The following EXOC4 variants were observed in gnomAD, a reference collection of about 807,000 sequenced individuals.
The protein encoded by EXOC4 is exocyst complex component 4.
EXOC4 carries 71 observed loss-of-function variants against 107.2 expected under a neutral mutation model. The ratio of observed to expected loss-of-function variants is 0.66; its 90% CI spans 0.55 to 0.81. EXOC4 has a LOEUF of 0.81. EXOC4 is among the 30% of genes least tolerant of loss of function. The probability of loss-of-function intolerance (pLI) is 0.00; values close to 1 mark genes in which losing one functional copy is unlikely to be tolerated. For synonymous variants in EXOC4, 456 were observed against 441.2 expected, an observed-to-expected ratio of 1.03 and a Z score of -0.42; for missense variants, 1,108 against 1,189.6, an observed-to-expected ratio of 0.93 and a Z score of 1.01.
intron 9 of EXOC4, among the ~76,000 whole-genome samples, chr7:133,549,165 GT>G (rs959440501): frequency 2.0e-5 from 3 of 151,786 alleles, no homozygotes; most frequent in Non-Finnish European, 2.9e-5. Flanking sequence ...CACCAGTTTG[GT>G]TTTTTTTAGT....
Position 134,053,289 on chromosome 7 carries a change from T to A in EXOC4, c.2688-11002T>A, listed in dbSNP as rs181841207. Among the ~76,000 whole-genome samples the A allele has an allele frequency of 3.5e-4, 53 of 151,614 alleles. 1 individual carries two copies. In the East Asian group the frequency reaches 7.6e-3, roughly 22 times the overall value. ...CAGCCCTGCTCCAGTAGAACCTGCA[T>A]TGGAGGAGGGGGAAGCAGATACTTG... On this transcript the variant is annotated intron_variant, in intron 17 of 17. Coordinates refer to ENST00000253861, the MANE Select transcript of EXOC4 (RefSeq NM_021807.4).
intron 10 of EXOC4, among the ~76,000 whole-genome samples, chr7:133,668,920 G>A (rs1251191811): frequency 6.6e-6 from 1 of 152,038 alleles, no homozygotes; most frequent in Non-Finnish European, 1.5e-5. Context: ...GTGAGGCATG[G>A]GAAGGGGAGG....
At chr7:134,020,339 A>C (rs1451651526) in intron 17 of EXOC4, among the ~76,000 whole-genome samples, 1 of 152,204 alleles carries the variant, frequency 6.6e-6, no homozygotes, top group African/African-American at 2.4e-5. Flanking sequence ...ATCATGCAGA[A>C]ATACCGGCCC....
intron 11 of EXOC4, among the ~76,000 whole-genome samples, chr7:133,868,775 T>C (rs1318166564): frequency 6.6e-6 from 1 of 152,178 alleles, no homozygotes; most frequent in East Asian, 1.9e-4. Flanking sequence ...TTTTGTTTTC[T>C]CCCTTCTGTT....
At chr7:134,041,792 T>C (rs956483057) in intron 17 of EXOC4, among the ~76,000 whole-genome samples, 11 of 152,204 alleles carry the variant, frequency 7.2e-5, no homozygotes, top group Admixed American at 2.0e-4. Context: ...CTTCTTGCAG[T>C]GTTTCTGAAA....
chr7:133,620,319 G>A (rs1006799529), intron 9 of EXOC4, among the ~76,000 whole-genome samples: 2 of 152,010 alleles, frequency 1.3e-5, no homozygotes, highest in Admixed American at 6.6e-5. Context: ...GAGCCACCGG[G>A]CCCAGCCATT....
chr7:133,384,563 T>C (rs1214445390), intron 7 of EXOC4, among the ~76,000 whole-genome samples: 2 of 152,152 alleles, frequency 1.3e-5, no homozygotes, highest in Admixed American at 1.3e-4. Flanking sequence ...TGGTGATTAA[T>C]AGCATGAAGT....
chr7:133,988,298 C>G lies in EXOC4; in HGVS notation c.2207-9194C>G, dbSNP rs142114320. ...GGCTATAATGAACTACTTCCCCATC[C>G]CTACTCTCTCTCTAGATTATACTCA... On this transcript the variant is annotated intron_variant, in intron 14 of 17. Coordinates refer to ENST00000253861, the MANE Select transcript of EXOC4 (RefSeq NM_021807.4). Among the ~76,000 whole-genome samples the G allele has an allele frequency of 5.1e-3, 778 of 152,324 alleles. 4 individuals carry two copies. The highest frequency in any genetic ancestry group is 0.016 in the African/African-American group (664 of 41,576).
chr7:133,253,430 C>G (rs1794939970), intron 1 of EXOC4: 2 of 1,252,732 alleles, frequency 1.6e-6, no homozygotes, highest in Admixed American at 3.9e-5. Flanking sequence ...GCAGCACCTT[C>G]TATTACAGTC....
intron 10 of EXOC4, among the ~76,000 whole-genome samples, chr7:133,702,526 A>T (rs914380445): frequency 6.7e-6 from 1 of 149,066 alleles, no homozygotes; most frequent in Non-Finnish European, 1.5e-5. Flanking sequence ...TTGAATTGCT[A>T]TGTTGCCGAG....
At chr7:133,836,503 A>G in intron 11 of EXOC4, among the ~76,000 whole-genome samples, 1 of 152,174 alleles carries the variant, frequency 6.6e-6, no homozygotes, top group East Asian at 1.9e-4. Context: ...GTACTGTAAA[A>G]TAAATATTTT....
chr7:133,604,710 C>CTTTTTTTTTTTTTTTTTTT (rs61548710), intron 9 of EXOC4, among the ~76,000 whole-genome samples: 4 of 50,218 alleles, frequency 8.0e-5, no homozygotes, highest in African/African-American at 7.8e-5. Flanking sequence ...TTCCTTCTTT[C>CTTTTTTTTTTTTTTTTTTT]TTTTTTTTTT....
chr7:133,596,937 C>G lies in EXOC4; in HGVS notation c.1418-33108C>G, dbSNP rs544498156. Among the ~76,000 whole-genome samples the G allele has an allele frequency of 1.5e-4, 23 of 152,236 alleles. No homozygotes were observed. The South Asian group carries it at 4.6e-3, about 30-fold the overall frequency. ...GCCTCCCATGAAGCATCCAGCTATCCAGAAGAATACAATCAGGGTTCTTTT... is the reference window on the plus strand; with the variant it reads ...GCCTCCCATGAAGCATCCAGCTATCGAGAAGAATACAATCAGGGTTCTTTT... On this transcript the variant is annotated intron_variant, in intron 9 of 17. Coordinates refer to ENST00000253861, the MANE Select transcript of EXOC4 (RefSeq NM_021807.4).
intron 11 of EXOC4, among the ~76,000 whole-genome samples, chr7:133,830,258 A>G (rs559903656): frequency 6.0e-4 from 92 of 152,272 alleles, no homozygotes; most frequent in African/African-American, 2.1e-3. Context: ...AAGGCTGCCT[A>G]TCAGGCACTC....
intron 7 of EXOC4, among the ~76,000 whole-genome samples, chr7:133,422,261 CAG>C (rs1359774574): frequency 6.6e-6 from 1 of 152,110 alleles, no homozygotes; most frequent in Non-Finnish European, 1.5e-5. Flanking sequence ...GAAAACAAAA[CAG>C]AAGTTTAAAT....
At chr7:133,941,088 C>T (rs1274093537) in intron 14 of EXOC4, among the ~76,000 whole-genome samples, 3 of 151,104 alleles carry the variant, frequency 2.0e-5, no homozygotes, top group Non-Finnish European at 4.4e-5. Flanking sequence ...GCCTCTGCTT[C>T]CCAGGTTCAA....
chr7:133,260,199 T>A (rs1795111769), intron 1 of EXOC4, among the ~76,000 whole-genome samples: 1 of 152,242 alleles, frequency 6.6e-6, no homozygotes, highest in Non-Finnish European at 1.5e-5. Flanking sequence ...ATGTTTATAT[T>A]GATAACAATA....
intron 1 of EXOC4, among the ~76,000 whole-genome samples, chr7:133,260,092 T>C (rs894049075): frequency 6.6e-6 from 1 of 152,194 alleles, no homozygotes; most frequent in African/African-American, 2.4e-5. Context: ...TTAAAAAGAC[T>C]ATCCTTTCTG....
At chr7:133,281,288 A>AT (rs1408414901) in intron 2 of EXOC4, among the ~76,000 whole-genome samples, 8 of 141,206 alleles carry the variant, frequency 5.7e-5, no homozygotes, top group Non-Finnish European at 1.2e-4. Context: ...TGTAATAATA[A>AT]AAAATAAATA....
Sources: gnomAD v4.1 joint callset for allele counts (sites outside exome capture counted in the v4.1 genomes callset) on GRCh38, gnomAD v4.1.1 for gene constraint, MANE v1.5 for transcripts, NCBI Gene and HGNC (gene_info 2026-07-23, HGNC 2026-07-21) for gene names.